ZNF385B: variants seen among roughly 807,000 people sequenced by gnomAD.
ZNF385B encodes zinc finger protein 385B, also known as zinc finger protein 533.
ZNF385B carries 23 observed loss-of-function variants against 39.2 expected under a neutral mutation model. The observed-to-expected ratio is 0.59, with a 90% CI of 0.42 to 0.83. The LOEUF is 0.83. Ranked by LOEUF, ZNF385B falls within the 40% of genes least tolerant of loss-of-function variation. ZNF385B has a pLI of 0.00. For synonymous variants in ZNF385B, 205 were observed against 222.6 expected (o/e 0.92, Z 0.70); for missense variants, 552 against 598.9 (o/e 0.92, Z 0.82).
At chr2:179,538,331 AATAG>A (rs996903265) in intron 4 of ZNF385B, among the ~76,000 whole-genome samples, 3 of 152,190 alleles carry the variant, frequency 2.0e-5, no homozygotes, top group African/African-American at 7.2e-5. Flanking sequence ...GACTTCATTA[AATAG>A]ATAAAGATAT....
At chr2:179,555,046 T>C (rs541106206) in intron 3 of ZNF385B, among the ~76,000 whole-genome samples, 3 of 149,604 alleles carry the variant, frequency 2.0e-5, no homozygotes, top group Non-Finnish European at 4.4e-5. Flanking sequence ...GGCAATATTC[T>C]TCATAATAGC....
intron 1 of ZNF385B, among the ~76,000 whole-genome samples, chr2:179,799,685 C>T (rs770140099): frequency 4.6e-5 from 7 of 151,968 alleles, no homozygotes; most frequent in Non-Finnish European, 7.4e-5. Context: ...AAAATACTAC[C>T]ACCAATGCCA....
At chr2:179,466,196 T>C (rs547393892) in intron 6 of ZNF385B, among the ~76,000 whole-genome samples, 2 of 152,316 alleles carry the variant, frequency 1.3e-5, no homozygotes, top group East Asian at 1.9e-4. Flanking sequence ...CTCCTTGCGA[T>C]GTACTAGACA....
intron 3 of ZNF385B, among the ~76,000 whole-genome samples, chr2:179,716,638 T>C (rs1182312630): frequency 6.6e-6 from 1 of 152,220 alleles, no homozygotes; most frequent in East Asian, 1.9e-4. Context: ...ATTCCTCTCT[T>C]TTTTATTCTG....
chr2:179,745,355 A>T (rs945703788), intron 3 of ZNF385B, among the ~76,000 whole-genome samples: 2 of 152,164 alleles, frequency 1.3e-5, no homozygotes, highest in Non-Finnish European at 2.9e-5. Flanking sequence ...TTTTAATAAC[A>T]TCTGAAACAC....
chr2:179,573,794 G>A (rs77218880), intron 3 of ZNF385B, among the ~76,000 whole-genome samples: 5,501 of 152,176 alleles, frequency 0.036, 182 homozygotes, highest in African/African-American at 0.081. Context: ...TGTGTCAGCA[G>A]TGCCAAAGTT....
chr2:179,539,966 T>C (rs1452127136), intron 4 of ZNF385B, among the ~76,000 whole-genome samples: 1 of 152,196 alleles, frequency 6.6e-6, no homozygotes, highest in African/African-American at 2.4e-5. Context: ...CAACACTCTT[T>C]ATTACATATA....
At chr2:179,785,225 G>T (rs61099579) in intron 1 of ZNF385B, among the ~76,000 whole-genome samples, 19,898 of 151,874 alleles carry the variant, frequency 0.13, 1,782 homozygotes, top group East Asian at 0.48. Context: ...AGGTTCAAAG[G>T]GAAGGTTAAT....
chr2:179,740,822 T>G (rs1400135274), intron 3 of ZNF385B, among the ~76,000 whole-genome samples: 4 of 152,138 alleles, frequency 2.6e-5, no homozygotes, highest in Non-Finnish European at 5.9e-5. Context: ...ATAACGTTTA[T>G]GACTAGTCAA....
intron 3 of ZNF385B, among the ~76,000 whole-genome samples, chr2:179,625,457 G>T (rs1472689415): frequency 6.6e-5 from 10 of 151,456 alleles, no homozygotes; most frequent in Admixed American, 2.6e-4. Context: ...TGACAATTCA[G>T]CCATTATTTT....
At chr2:179,544,189 TAAA>T (rs2060090102) in intron 4 of ZNF385B, among the ~76,000 whole-genome samples, 2 of 152,192 alleles carry the variant, frequency 1.3e-5, no homozygotes, top group Non-Finnish European at 2.9e-5. Flanking sequence ...TTCATTCAAA[TAAA>T]AGAAGGTCAG....
intron 3 of ZNF385B, among the ~76,000 whole-genome samples, chr2:179,644,922 C>G (rs766603124): frequency 6.6e-6 from 1 of 152,162 alleles, no homozygotes; most frequent in Non-Finnish European, 1.5e-5. Context: ...CTCATATAGA[C>G]CACATAATTT....
intron 1 of ZNF385B, among the ~76,000 whole-genome samples, chr2:179,836,233 T>C (rs890981261): frequency 6.6e-6 from 1 of 152,220 alleles, no homozygotes; most frequent in Non-Finnish European, 1.5e-5. Context: ...TTATCATTTG[T>C]TGTCTGTCCT....
chr2:179,706,742 A>G (rs1425827155), intron 3 of ZNF385B, among the ~76,000 whole-genome samples: 1 of 152,132 alleles, frequency 6.6e-6, no homozygotes, highest in African/African-American at 2.4e-5. Context: ...TTCTGACTGC[A>G]CTCTGAGCAG....
intron 5 of ZNF385B, among the ~76,000 whole-genome samples, chr2:179,488,172 C>T (rs930035047): frequency 2.0e-5 from 3 of 151,838 alleles, no homozygotes; most frequent in Non-Finnish European, 4.4e-5. Flanking sequence ...TGAGACGGAG[C>T]CTCACTCTGT....
At chr2:179,571,757 A>G (rs1251851927) in intron 3 of ZNF385B, among the ~76,000 whole-genome samples, 2 of 152,110 alleles carry the variant, frequency 1.3e-5, no homozygotes, top group East Asian at 1.9e-4. Context: ...CTAGGAGTAC[A>G]ATCTCTAGAA....
intron 4 of ZNF385B, among the ~76,000 whole-genome samples, chr2:179,541,888 G>T (rs11674582): frequency 1.3e-5 from 2 of 152,172 alleles, no homozygotes; most frequent in Admixed American, 6.5e-5. Context: ...ACTCAAGGAC[G>T]TAAAGAGCCC....
rs76130239 is a variant in ZNF385B, at chr2:179,695,987, C to T, written c.298+73516G>A. Among the ~76,000 whole-genome samples, 56 of 152,242 alleles carry T rather than the reference C, an allele frequency of 3.7e-4. 1 individual carries two copies. In the East Asian group the frequency reaches 7.7e-3, roughly 21 times the overall value. ...ACATGGCTAGGTCTTAAAAGCCTTA[C>T]GCTAAATGAAAGAAGTCAGTCACGA... On this transcript the variant is annotated intron_variant, in intron 3 of 9. Transcript: ENST00000410066.
intron 3 of ZNF385B, among the ~76,000 whole-genome samples, chr2:179,621,230 A>T (rs1690185502): frequency 6.6e-6 from 1 of 152,204 alleles, no homozygotes; most frequent in South Asian, 2.1e-4. Flanking sequence ...AAACAAAGGC[A>T]TACTGGATAA....
Sources: allele counts gnomAD v4.1 joint callset (sites outside exome capture counted in the v4.1 genomes callset), GRCh38; gene constraint gnomAD v4.1.1; transcripts MANE v1.5; gene names NCBI Gene and HGNC (gene_info 2026-07-23, HGNC 2026-07-21).